MDN1: variants seen among roughly 807,000 people sequenced by gnomAD.
MDN1 encodes midasin.
MDN1 carries 266 observed loss-of-function variants against 669.2 expected under a neutral mutation model. That is an observed-to-expected ratio of 0.40 (90% confidence interval 0.36 to 0.44). The LOEUF is 0.44. Among genes scored for constraint, MDN1 ranks in the 20% least tolerant of loss-of-function variants. The pLI is 1.00. For synonymous variants in MDN1, 2,385 were observed against 2,457.1 expected, an observed-to-expected ratio of 0.97 and a Z score of 0.87; for missense variants, 5,940 against 6,754.0, an observed-to-expected ratio of 0.88 and a Z score of 4.22.
intron 40 of MDN1, 24 bp from the exon 41 acceptor site, chr6:89,719,249 G>A (rs6454774): frequency 0.84 from 1,336,404 of 1,587,442 alleles, 563,924 homozygotes; most frequent in East Asian, 1. Context: ...ATAATGCAAT[G>A]AAAACACAAA....
intron 91 of MDN1, 129 bp downstream of exon 91, chr6:89,656,571 A>G (rs1436155932): frequency 4.0e-6 from 3 of 751,718 alleles, no homozygotes; most frequent in African/African-American, 1.8e-5. Flanking sequence ...GGCTGCTATC[A>G]TATCTGATGC....
chr6:89,707,316 C>T, intron 52 of MDN1, 45 bp downstream of exon 52: 1 of 1,347,108 alleles, frequency 7.4e-7, no homozygotes, highest in Non-Finnish European at 1.1e-6. Flanking sequence ...CAACATTATG[C>T]AATCAGATGC....
At chr6:89,671,399 C>T (rs952737523) in intron 82 of MDN1, among the ~76,000 whole-genome samples, 56 of 152,138 alleles carry the variant, frequency 3.7e-4, no homozygotes, top group African/African-American at 1.3e-3. Flanking sequence ...CTTTGGGAGG[C>T]CAAAGTGGGT....
At chr6:89,713,434 G>T in intron 46 of MDN1, 138 bp from the exon 47 acceptor site, 1 of 754,918 alleles carries the variant, frequency 1.3e-6, no homozygotes, top group Non-Finnish European at 2.1e-6. Flanking sequence ...ATTCCAAGTA[G>T]ACTCTAGAGT....
At position 89,745,368 on chromosome 6, in the gene MDN1, G is replaced by T; in HGVS notation, c.4083C>A (p.Gly1361=). 6.2e-7 allele frequency: 1 copy of T among 1,613,964 alleles called. No individual in the cohort carries two copies. ...GCATGCCCTCAGTCCACACGATATG[G>T]CCAAAGTTACACTCCAATGTGGATA... The part of the protein sequence containing the change: ...TQISTLECNF[G]HIVWTEGMRR... The change falls in exon 29 of 102, where the codon GGC becomes GGA. Residue 1361 remains glycine, a synonymous_variant. Transcript: ENST00000369393.
At chr6:89,721,162 AG>A (rs567357785) in intron 40 of MDN1, among the ~76,000 whole-genome samples, 5 of 152,182 alleles carry the variant, frequency 3.3e-5, no homozygotes, top group Non-Finnish European at 7.3e-5. Flanking sequence ...CAGCTTTTCG[AG>A]GTAGGAGTCG....
Position 89,729,043 on chromosome 6 carries a change from T to C in MDN1, c.5237A>G (p.Lys1746Arg), listed in dbSNP as rs780860282. The C allele has an allele frequency of 4.3e-5, 70 of 1,614,018 alleles. No individual in the cohort carries two copies. In the South Asian group the frequency reaches 7.0e-4, roughly 16 times the overall value. ...GGAACCCTCCAGGAGAATGGGCTTCTTCAGTTTGGTAGCTCTTAAGAGCCT... is the reference window on the plus strand; with the variant it reads ...GGAACCCTCCAGGAGAATGGGCTTCCTCAGTTTGGTAGCTCTTAAGAGCCT... Reference protein sequence around the residue: ...AQRLLRATKLKKPILLEGSPG... With the variant: ...AQRLLRATKLRKPILLEGSPG... The change falls in exon 36 of 102, where the codon AAG (lysine) becomes AGG (arginine). Residue 1746 changes from lysine (K) to arginine (R), a missense_variant. Lys to Arg is a conservative substitution (Grantham distance 26). Coordinates refer to ENST00000369393, the MANE Select transcript of MDN1 (RefSeq NM_014611.3).
intron 2 of MDN1, among the ~76,000 whole-genome samples, chr6:89,797,408 A>C (rs1387908562): frequency 1.3e-5 from 2 of 152,008 alleles, no homozygotes; most frequent in Non-Finnish European, 2.9e-5. Flanking sequence ...ATCTTAAAAA[A>C]TTGTGTACAA....
rs752911832 is a variant in MDN1 at position 89,693,141 on chromosome 6, G to A, written c.9889C>T (p.Arg3297Cys). 1.3e-5 allele frequency: 20 copies of A among 1,581,814 alleles called. No individual in the cohort carries two copies. Among genetic ancestry groups the A allele is most frequent in the Admixed American group, 3.7e-5 (2 of 53,884 alleles). Residue 3297 changes from arginine (R) to cysteine (C), a missense_variant, in exon 63 of 102, where the codon CGC (arginine) becomes TGC (cysteine). This residue lies in a region of MDN1 where 150 missense variants were observed against 234.2 expected (regional missense o/e 0.64). Transcript: ENST00000369393. Reference sequence around the variant, plus strand: ...TTATCCAGCCGATCCATCCTTTGGCGAAGCAGCCTAACGGGAAATTAACAC... The same window carrying A: ...TTATCCAGCCGATCCATCCTTTGGCAAAGCAGCCTAACGGGAAATTAACAC... ...SYSHPHVRLL[R>C]QRMDRLDNLT...
intron 20 of MDN1, among the ~76,000 whole-genome samples, chr6:89,755,204 T>C (rs1007052000): frequency 1.3e-5 from 2 of 152,112 alleles, no homozygotes; most frequent in Non-Finnish European, 2.9e-5. Context: ...TGGTAAACCA[T>C]TCTGAAGCAT....
intron 15 of MDN1, among the ~76,000 whole-genome samples, chr6:89,766,255 C>T (rs963276191): frequency 2.0e-5 from 3 of 151,492 alleles, no homozygotes; most frequent in Non-Finnish European, 2.9e-5. Flanking sequence ...GCTGAGATCA[C>T]GCTGCTGCAC....
chr6:89,659,817 AAG>A (rs1342956060), intron 88 of MDN1, among the ~76,000 whole-genome samples: 19 of 152,258 alleles, frequency 1.2e-4, no homozygotes, highest in African/African-American at 4.6e-4. Flanking sequence ...GTTTTATCAA[AAG>A]AGATTTTCTA....
At position 89,674,086 on chromosome 6, in the gene MDN1, A is replaced by C. The variant is rs1378926380; in HGVS notation, c.13247+18T>G. 2 of 1,610,766 alleles carry C rather than the reference A, an allele frequency of 1.2e-6. No individual in the cohort carries two copies. The highest frequency in any genetic ancestry group is 1.7e-5 in the Admixed American group (1 of 59,832). On this transcript the variant is annotated intron_variant, in intron 79 of 101. Transcript: ENST00000369393. ...GACCTAAGCACACAGAGAAGTGTAA[A>C]GACATAGACACACTTACCAAGAATG...
chr6:89,778,590 A>C (rs1324649758), intron 11 of MDN1, among the ~76,000 whole-genome samples: 3 of 152,000 alleles, frequency 2.0e-5, no homozygotes, highest in African/African-American at 7.3e-5. Flanking sequence ...CCTTATATAA[A>C]ATGGCATAGG....
intron 1 of MDN1, among the ~76,000 whole-genome samples, chr6:89,812,062 T>C (rs1445172192): frequency 1.3e-5 from 2 of 151,758 alleles, no homozygotes; most frequent in Non-Finnish European, 2.9e-5. Context: ...TCTCGGTTCA[T>C]GCAACCTCCG....
chr6:89,797,561 G>A (rs763136419), intron 2 of MDN1: 6 of 336,782 alleles, frequency 1.8e-5, no homozygotes, highest in Non-Finnish European at 3.5e-5. Context: ...CCCAGCTGGA[G>A]CTGTGGCCAG....
At position 89,643,942 on chromosome 6, in the gene MDN1, C is replaced by G. The variant is rs1808312780; in HGVS notation, c.*63G>C. ...TTTTGTAGTTGTCCAAAAGGGAGCA[C>G]CTGGGTAAGCAATGTGACCTTCTGA... On this transcript the variant is annotated 3_prime_UTR_variant, in exon 102 of 102. Coordinates refer to ENST00000369393, the MANE Select transcript of MDN1 (RefSeq NM_014611.3). The G allele has an allele frequency of 1.5e-6, 2 of 1,371,858 alleles. No individual in the cohort carries two copies. The highest frequency in any genetic ancestry group is 2.5e-5 in the Admixed American group (1 of 39,628). The allele number at this position is 1,371,858 out of a possible 1,614,324, so 85.0% of individuals were successfully genotyped here.
At chr6:89,707,617 A>C in intron 51 of MDN1, 141 bp from the exon 52 acceptor site, 1 of 644,492 alleles carries the variant, frequency 1.6e-6, no homozygotes, top group Non-Finnish European at 2.8e-6. Flanking sequence ...TCTTGGACTA[A>C]AGAGATGGAG....
chr6:89,686,873 T>C (rs771140067), intron 69 of MDN1, 29 bp downstream of exon 69: 1 of 1,611,414 alleles, frequency 6.2e-7, no homozygotes, highest in Non-Finnish European at 8.5e-7. Context: ...AAGCTCTAAG[T>C]GGGCAGGAAA....
Sources: allele counts gnomAD v4.1 joint callset (sites outside exome capture counted in the v4.1 genomes callset), GRCh38; gene constraint gnomAD v4.1.1; regional missense constraint gnomAD v4.1.1; transcripts MANE v1.5; gene names NCBI Gene and HGNC (gene_info 2026-07-23, HGNC 2026-07-21).